Variants in MIS18A observed in about 807,000 individuals in gnomAD.
MIS18A encodes the protein protein Mis18-alpha.
MIS18A carries 14 observed loss-of-function variants against 25.0 expected under a neutral mutation model. That is an observed-to-expected ratio of 0.56 (90% CI 0.37 to 0.88). The LOEUF (loss-of-function observed/expected upper bound fraction) is 0.88, where lower values mean the gene tolerates loss of function less well. Among genes scored for constraint, MIS18A ranks in the 40% least tolerant of loss-of-function variants. The pLI is 0.00. For synonymous variants in MIS18A, 134 were observed against 118.6 expected (o/e 1.13, Z -0.84); for missense variants, 292 against 290.8 (o/e 1.00, Z -0.03).
chr21:32,231,222 C>T, the MIS18A span, among the ~76,000 whole-genome samples: 9 of 141,246 alleles, frequency 6.4e-5, no homozygotes, highest in Non-Finnish European at 1.4e-4. Flanking sequence ...GGCGACACAG[C>T]GAGACCCTGT....
the MIS18A span, among the ~76,000 whole-genome samples, chr21:32,228,660 A>G: frequency 6.6e-6 from 1 of 152,220 alleles, no homozygotes; most frequent in Non-Finnish European, 1.5e-5. Flanking sequence ...AAACGAGTTC[A>G]GCAAGGTTGC....
the MIS18A span, among the ~76,000 whole-genome samples, chr21:32,161,476 T>TTTTGTTTG: frequency 0.089 from 13,387 of 150,496 alleles, 673 homozygotes; most frequent in East Asian, 0.13. Flanking sequence ...GAAGCTTGTT[T>TTTTGTTTG]TTTGTTTGTT....
chr21:32,247,147 T>C, the MIS18A span, among the ~76,000 whole-genome samples: 1 of 152,196 alleles, frequency 6.6e-6, no homozygotes, highest in African/African-American at 2.4e-5. Context: ...CATGGGATCA[T>C]TGGGCCCACT....
chr21:32,205,023 C>G, the MIS18A span, among the ~76,000 whole-genome samples: 1 of 152,034 alleles, frequency 6.6e-6, no homozygotes, highest in Admixed American at 6.5e-5. Context: ...TCTCCATTCT[C>G]CACCAAAGTC....
the MIS18A span, among the ~76,000 whole-genome samples, chr21:32,190,268 T>C: frequency 6.6e-6 from 1 of 152,220 alleles, no homozygotes; most frequent in African/African-American, 2.4e-5. Flanking sequence ...TTATACTAGC[T>C]GCATGCAATG....
At chr21:32,186,964 C>T in the MIS18A span, among the ~76,000 whole-genome samples, 4 of 151,924 alleles carry the variant, frequency 2.6e-5, no homozygotes, top group African/African-American at 7.3e-5. Flanking sequence ...GCTGAGTTGG[C>T]CTCATCTGGC....
At chr21:32,208,182 C>A in the MIS18A span, among the ~76,000 whole-genome samples, 2 of 152,196 alleles carry the variant, frequency 1.3e-5, no homozygotes, top group African/African-American at 4.8e-5. Context: ...AAACTGCAGA[C>A]AAACATTTCT....
chr21:32,157,905 G>A, the MIS18A span, among the ~76,000 whole-genome samples: 1 of 151,990 alleles, frequency 6.6e-6, no homozygotes. Context: ...AAAACCAGAG[G>A]GTTGAACATG....
the MIS18A span, among the ~76,000 whole-genome samples, chr21:32,171,225 T>C: frequency 6.6e-6 from 1 of 151,982 alleles, no homozygotes; most frequent in African/African-American, 2.4e-5. Flanking sequence ...ATCTTCTGTA[T>C]AAAAAGATCC....
At chr21:32,216,355 T>C in the MIS18A span, among the ~76,000 whole-genome samples, 2 of 152,196 alleles carry the variant, frequency 1.3e-5, no homozygotes, top group African/African-American at 4.8e-5. Context: ...CAAAGTTCCA[T>C]TTCCAGAGAA....
chr21:32,169,418 G>T, the MIS18A span, among the ~76,000 whole-genome samples: 1 of 152,104 alleles, frequency 6.6e-6, no homozygotes, highest in Non-Finnish European at 1.5e-5. Flanking sequence ...CATCACAGCT[G>T]CCTCAAGTGG....
chr21:32,162,447 C>T, the MIS18A span, among the ~76,000 whole-genome samples: 3 of 152,166 alleles, frequency 2.0e-5, no homozygotes, highest in Non-Finnish European at 2.9e-5. Flanking sequence ...GACGGGGGAT[C>T]TTATTTATAT....
chr21:32,226,281 A>T, the MIS18A span, among the ~76,000 whole-genome samples: 2 of 68,154 alleles, frequency 2.9e-5, no homozygotes, highest in African/African-American at 2.4e-4. Flanking sequence ...AAAGTATAAT[A>T]AAAAAAAAAG....
the MIS18A span, chr21:32,260,231 CA>C: frequency 1.3e-5 from 2 of 151,884 alleles, no homozygotes; most frequent in Non-Finnish European, 2.9e-5. Flanking sequence ...AACTAGAATA[CA>C]AAATCTAAGT....
At chr21:32,200,456 C>T in the MIS18A span, among the ~76,000 whole-genome samples, 310 of 143,942 alleles carry the variant, frequency 2.2e-3, 1 homozygote, top group African/African-American at 7.7e-3. Context: ...TTTTTTGAGA[C>T]GGAGTCTCAC....
At chr21:32,204,569 G>T in the MIS18A span, among the ~76,000 whole-genome samples, 2 of 151,948 alleles carry the variant, frequency 1.3e-5, no homozygotes, top group African/African-American at 4.8e-5. Flanking sequence ...TACAAGAAAG[G>T]AAATAGAAAC....
At chr21:32,274,201 T>C (rs1439261246) in intron 2 of MIS18A, among the ~76,000 whole-genome samples, 12 of 126,724 alleles carry the variant, frequency 9.5e-5, no homozygotes, top group African/African-American at 2.2e-4. Context: ...TTTCTTCTTT[T>C]TTTTTTTTTT....
At chr21:32,253,610 C>T in the MIS18A span, among the ~76,000 whole-genome samples, 2 of 152,120 alleles carry the variant, frequency 1.3e-5, no homozygotes, top group Non-Finnish European at 2.9e-5. Context: ...GGGAGGGGAG[C>T]GGGAGAGTGA....
chr21:32,213,626 T>C, the MIS18A span, among the ~76,000 whole-genome samples: 1 of 152,198 alleles, frequency 6.6e-6, no homozygotes, highest in African/African-American at 2.4e-5. Context: ...CATATTCAAG[T>C]GTTAATTTTT....
Sources: gnomAD v4.1 joint callset for allele counts (sites outside exome capture counted in the v4.1 genomes callset) on GRCh38, gnomAD v4.1.1 for gene constraint, MANE v1.5 for transcripts, NCBI Gene and HGNC (gene_info 2026-07-23, HGNC 2026-07-21) for gene names.